PGM2: variants seen among roughly 807,000 people sequenced by gnomAD.
PGM2 encodes phosphopentomutase.
PGM2 carries 57 observed loss-of-function variants against 74.6 expected under a neutral mutation model. That is an observed-to-expected ratio of 0.76 (90% CI 0.62 to 0.95). PGM2 has a LOEUF of 0.95. Among genes scored for constraint, PGM2 ranks in the 40% least tolerant of loss-of-function variants. The pLI, the probability that PGM2 is intolerant of heterozygous loss-of-function variation, is 0.00. For synonymous variants in PGM2, 273 were observed against 260.7 expected (o/e 1.05, Z -0.46); for missense variants, 706 against 741.9 (o/e 0.95, Z 0.56).
intron 11 of PGM2, among the ~76,000 whole-genome samples, chr4:37,849,473 G>A (rs950765622): frequency 7.4e-6 from 1 of 134,790 alleles, no homozygotes; most frequent in Non-Finnish European, 1.5e-5. Context: ...GTGCAGTGGT[G>A]TGATCTCGGC....
rs759274272 is a variant in PGM2 at position 37,845,735 on chromosome 4, A to C, written c.1007+5A>C. The C allele has an allele frequency of 2.6e-6, 4 of 1,561,588 alleles. No homozygotes were observed. Among genetic ancestry groups the C allele is most frequent in the Non-Finnish European group, 3.5e-6 (4 of 1,132,066 alleles). On this transcript the variant is annotated splice_donor_5th_base_variant and intron_variant, in intron 8 of 13. Coordinates refer to ENST00000381967, the MANE Select transcript of PGM2 (RefSeq NM_018290.4). ...TGTGGCAGAAAAGCAAGACAGGTAA[A>C]ATTAATTGTGATTACCTATATTATA...
At chr4:37,836,378 A>C (rs1409922684) in intron 3 of PGM2, among the ~76,000 whole-genome samples, 2 of 152,242 alleles carry the variant, frequency 1.3e-5, no homozygotes, top group African/African-American at 4.8e-5. Flanking sequence ...ATGATGAGTG[A>C]ATGGAATCTT....
chr4:37,833,609 GAAAT>G (rs1270792416), intron 2 of PGM2, among the ~76,000 whole-genome samples: 2 of 152,090 alleles, frequency 1.3e-5, no homozygotes, highest in Non-Finnish European at 1.5e-5. Flanking sequence ...TAGCAAAAGT[GAAAT>G]AAATAATATA....
chr4:37,860,111 A>G (rs1367511239), intron 13 of PGM2, among the ~76,000 whole-genome samples: 2 of 152,308 alleles, frequency 1.3e-5, no homozygotes, highest in Admixed American at 6.5e-5. Flanking sequence ...ATGTTCACTC[A>G]TGTCATGATT....
rs1241318346 is a variant in PGM2 at position 37,860,302 on chromosome 4, A to G, written c.1737-1208A>G. 2.0e-5 allele frequency among the ~76,000 whole-genome samples: 3 copies of G among 152,360 alleles called. No individual in the cohort carries two copies. In the East Asian group the frequency reaches 5.8e-4, roughly 29 times the overall value. On this transcript the variant is annotated intron_variant, in intron 13 of 13. Transcript: ENST00000381967. Reference sequence around the variant, plus strand: ...TCATATGTACTTAAAAAGCATAATTACTTTATATGTTGCCAGTAGGGATAA... The same window carrying G: ...TCATATGTACTTAAAAAGCATAATTGCTTTATATGTTGCCAGTAGGGATAA...
chr4:37,858,736 C>G (rs1457135137), intron 13 of PGM2, among the ~76,000 whole-genome samples: 3 of 152,082 alleles, frequency 2.0e-5, no homozygotes, highest in African/African-American at 7.2e-5. Flanking sequence ...TTCAATTATT[C>G]ATAGAATTTC....
chr4:37,843,902 A>G (rs988776464), intron 6 of PGM2, among the ~76,000 whole-genome samples: 1 of 152,130 alleles, frequency 6.6e-6, no homozygotes, highest in East Asian at 1.9e-4. Flanking sequence ...ATCTTTATGT[A>G]TGGGATAACC....
intron 6 of PGM2, among the ~76,000 whole-genome samples, chr4:37,842,365 T>C (rs2079178477): frequency 6.7e-6 from 1 of 148,884 alleles, no homozygotes; most frequent in African/African-American, 2.5e-5. Flanking sequence ...AGCAAAATTA[T>C]TAAAGTAATA....
At chr4:37,828,248 T>A (rs1357564746) in intron 1 of PGM2, among the ~76,000 whole-genome samples, 1 of 152,172 alleles carries the variant, frequency 6.6e-6, no homozygotes, top group African/African-American at 2.4e-5. Flanking sequence ...GAGTTCATAA[T>A]GCACTTTCTC....
At position 37,847,315 on chromosome 4, in the gene PGM2, A is replaced by G; in HGVS notation, c.1282+20A>G. Reference sequence around the variant, plus strand: ...CTATTGGTAAGAAGTGATCATGAACATTAAGGAATTGGCTGCAAGGCAAAA... The same window carrying G: ...CTATTGGTAAGAAGTGATCATGAACGTTAAGGAATTGGCTGCAAGGCAAAA... On this transcript the variant is annotated intron_variant, in intron 10 of 13. Coordinates refer to ENST00000381967, the MANE Select transcript of PGM2 (RefSeq NM_018290.4). 2 of 1,529,714 alleles carry G rather than the reference A, an allele frequency of 1.3e-6. No homozygotes were observed. Among genetic ancestry groups the G allele is most frequent in the Non-Finnish European group, 9.1e-7 (1 of 1,104,246 alleles). The allele number at this position is 1,529,714 out of a possible 1,614,324, so 94.8% of individuals were successfully genotyped here.
At chr4:37,827,234 G>A (rs1725316827) in intron 1 of PGM2, among the ~76,000 whole-genome samples, 1 of 152,218 alleles carries the variant, frequency 6.6e-6, no homozygotes, top group African/African-American at 2.4e-5. Context: ...TCCTTTGGCC[G>A]CTGAGACCTT....
chr4:37,850,043 C>T (rs943067231), intron 11 of PGM2, 141 bp from the exon 12 acceptor site: 1 of 536,472 alleles, frequency 1.9e-6, no homozygotes, highest in Non-Finnish European at 3.2e-6. Context: ...CCGCCTCGGC[C>T]TCACAAAGTG....
rs928758868 is a variant in PGM2 at position 37,837,607 on chromosome 4, C to T, written c.435C>T (p.Pro145=). 1 of 1,600,668 alleles carries T rather than the reference C, an allele frequency of 6.2e-7. No homozygotes were observed. The highest frequency in any genetic ancestry group is 8.6e-7 in the Non-Finnish European group (1 of 1,167,824). Residue 145 remains proline, a synonymous_variant, in exon 4 of 14, where the codon CCC becomes CCT. Transcript: ENST00000381967. ...TCTTTTCTGATATAACGCCAACCCC[C>T]TTTGTGGTAAGTAGCCATTTCCTTT... ...VYLFSDITPT[P]FVPFTVSHLK...
rs114748209 is a variant in PGM2 at position 37,844,684 on chromosome 4, T to A, written c.909+131T>A. ...AATTTCAGCATGGAAATATGTATGT[T>A]TGGCTGGGTGCAGCGTCTCATGTCT... On this transcript the variant is annotated intron_variant, in intron 7 of 13. Coordinates refer to ENST00000381967, the MANE Select transcript of PGM2 (RefSeq NM_018290.4). The A allele has an allele frequency of 0.05, 32,158 of 638,264 alleles. 1,925 individuals are homozygous for A. Among genetic ancestry groups the A allele is most frequent in the African/African-American group, 0.18 (9,907 of 54,254 alleles). 39.5% of individuals were successfully genotyped at this position (638,264 alleles called of 1,614,324 possible). A position where few individuals can be genotyped will look rare whatever the true frequency, so the allele number is the denominator to read the frequency against.
chr4:37,861,690 C>T lies in PGM2; in HGVS notation c.*78C>T, dbSNP rs113714720. On this transcript the variant is annotated 3_prime_UTR_variant, in exon 14 of 14. Coordinates refer to ENST00000381967, the MANE Select transcript of PGM2 (RefSeq NM_018290.4). ...ACTTGTTAAGCAATATTTTTAAGGGCCAAATGATTCAAAACATCACAGGTA... is the reference window on the plus strand; with the variant it reads ...ACTTGTTAAGCAATATTTTTAAGGGTCAAATGATTCAAAACATCACAGGTA... The T allele has an allele frequency of 3.4e-5, 29 of 845,744 alleles. No homozygotes were observed. Among genetic ancestry groups the T allele is most frequent in the South Asian group, 2.7e-4 (20 of 73,128 alleles). The allele number at this position is 845,744 out of a possible 1,614,324, so 52.4% of individuals were successfully genotyped here.
intron 8 of PGM2, 50 bp from the exon 9 acceptor site, chr4:37,846,880 TC>T: frequency 6.9e-7 from 1 of 1,442,850 alleles, no homozygotes; most frequent in South Asian, 1.3e-5. Context: ...TTTAGAGTCT[TC>T]CTTAAGATTA....
At chr4:37,839,448 C>A in intron 4 of PGM2, 1 of 406,698 alleles carries the variant, frequency 2.5e-6, no homozygotes, top group Non-Finnish European at 4.8e-6. Context: ...TCCTTAAAAG[C>A]AAATGAGAAA....
rs1711771121 is a variant in PGM2 at position 37,861,498 on chromosome 4, C to G, written c.1737-12C>G. On this transcript the variant is annotated splice_polypyrimidine_tract_variant and intron_variant, in intron 13 of 13. Transcript: ENST00000381967. ...TCCCTTGACCTGGATTTTTTTCCCC[C>G]TTATTTTCCAGTGATCCTGAGCAGC... The G allele has an allele frequency of 6.3e-7, 1 of 1,581,980 alleles. No individual in the cohort carries two copies. Among genetic ancestry groups the G allele is most frequent in the Admixed American group, 1.7e-5 (1 of 59,738 alleles).
In PGM2 at chr4:37,855,591, T is replaced by C. The variant is rs991269857; in HGVS notation, c.1603-17T>C. The C allele has an allele frequency of 1.2e-6, 2 of 1,608,502 alleles. No individual in the cohort carries two copies. Among genetic ancestry groups the C allele is most frequent in the African/African-American group, 2.7e-5 (2 of 74,670 alleles). ...AATGTTACTATTTAAATTTATAATG[T>C]GTGCATTAATTCCTAGGTTCTTCCC... On this transcript the variant is annotated splice_polypyrimidine_tract_variant and intron_variant, in intron 12 of 13. Coordinates refer to ENST00000381967, the MANE Select transcript of PGM2 (RefSeq NM_018290.4).
Sources: allele counts gnomAD v4.1 joint callset (sites outside exome capture counted in the v4.1 genomes callset), GRCh38; gene constraint gnomAD v4.1.1; transcripts MANE v1.5; gene names NCBI Gene and HGNC (gene_info 2026-07-23, HGNC 2026-07-21).